The following MID1 variants were observed in gnomAD, a reference collection of about 807,000 sequenced individuals.
MID1 encodes the protein E3 ubiquitin-protein ligase Midline-1.
Under a neutral mutation model 40.4 loss-of-function variants are expected in MID1, and 7 were observed. The ratio of observed to expected loss-of-function variants is 0.17; its 90% CI spans 0.10 to 0.33. The LOEUF (loss-of-function observed/expected upper bound fraction) is 0.33, where lower values mean the gene tolerates loss of function less well. Ranked by LOEUF, MID1 falls within the 10% of genes least tolerant of loss-of-function variation. MID1 has a pLI of 1.00. For missense variants in MID1, 367 were observed against 558.5 expected, an observed-to-expected ratio of 0.66 and a Z score of 3.46; for synonymous variants, 229 against 221.2, an observed-to-expected ratio of 1.04 and a Z score of -0.31.
intron 1 of MID1, among the ~76,000 whole-genome samples, chrX:10,608,183 A>C (rs762439280): frequency 1.2e-4 from 14 of 112,446 alleles, no homozygotes; most frequent in Non-Finnish European, 2.1e-4. Context: ...GCCACTCTGC[A>C]ATACGCTTTG....
chrX:10,495,818 C>T (rs970112439), intron 3 of MID1, 127 bp from the exon 4 acceptor site: 28 of 529,303 alleles, frequency 5.3e-5, no homozygotes, highest in East Asian at 1.1e-4. Flanking sequence ...ACTCTTTGTC[C>T]GATTACGCAA....
chrX:10,725,122 C>G (rs1350711952), intron 1 of MID1, among the ~76,000 whole-genome samples: 1 of 112,105 alleles, frequency 8.9e-6, no homozygotes, highest in African/African-American at 3.2e-5. Flanking sequence ...CAGAAGAAAA[C>G]AGCACTTTTT....
intron 1 of MID1, 72 bp from the exon 2 acceptor site, chrX:10,567,675 A>G (rs1934607941): frequency 1.5e-6 from 1 of 663,110 alleles, no homozygotes; most frequent in African/African-American, 2.1e-5. Flanking sequence ...CTTTGAATGC[A>G]TCTCAGAATA....
intron 2 of MID1, among the ~76,000 whole-genome samples, chrX:10,552,200 A>G (rs1933939998): frequency 9.0e-6 from 1 of 110,786 alleles, no homozygotes; most frequent in East Asian, 2.8e-4. Context: ...AATGTCGGAG[A>G]TCAGATAATT....
chrX:10,680,495 T>C (rs752313822), intron 1 of MID1, among the ~76,000 whole-genome samples: 36 of 112,013 alleles, frequency 3.2e-4, no homozygotes, highest in African/African-American at 1.1e-3. Context: ...TTCTTTATGA[T>C]AGAATTACCA....
intron 1 of MID1, among the ~76,000 whole-genome samples, chrX:10,719,633 T>A (rs1602535984): frequency 8.9e-6 from 1 of 111,880 alleles, no homozygotes; most frequent in South Asian, 3.8e-4. Flanking sequence ...CAAGGTAATT[T>A]ATAGATTCAA....
At chrX:10,718,736 C>T (rs2043324773) in intron 1 of MID1, among the ~76,000 whole-genome samples, 2 of 111,334 alleles carry the variant, frequency 1.8e-5, no homozygotes, top group Non-Finnish European at 3.8e-5. Context: ...ATGGCAGAGA[C>T]ACAACAAAAA....
chrX:10,606,578 T>C (rs1468455833), intron 1 of MID1, among the ~76,000 whole-genome samples: 2 of 111,937 alleles, frequency 1.8e-5, no homozygotes, highest in Non-Finnish European at 3.8e-5. Context: ...CATATGGAGA[T>C]ATACCCTATT....
intron 2 of MID1, among the ~76,000 whole-genome samples, chrX:10,546,350 G>A (rs1933680351): frequency 8.9e-6 from 1 of 112,565 alleles, no homozygotes; most frequent in African/African-American, 3.2e-5. Context: ...AAATGCTTTG[G>A]TTTGGTTCCA....
chrX:10,597,543 A>G (rs1470076132), intron 1 of MID1, among the ~76,000 whole-genome samples: 1 of 112,283 alleles, frequency 8.9e-6, no homozygotes, highest in Non-Finnish European at 1.9e-5. Context: ...CAAACAAACA[A>G]ACAAACAAAC....
chrX:10,560,111 G>A (rs763982285), intron 2 of MID1, among the ~76,000 whole-genome samples: 5 of 110,536 alleles, frequency 4.5e-5, no homozygotes, highest in Admixed American at 9.7e-5. Context: ...GGTCTCAAAC[G>A]ACCAAGCTCA....
At chrX:10,535,686 A>C (rs189894693) in intron 2 of MID1, among the ~76,000 whole-genome samples, 30 of 112,399 alleles carry the variant, frequency 2.7e-4, no homozygotes, top group African/African-American at 9.4e-4. Context: ...TGACCTTAAC[A>C]GTAGTTACTT....
upstream of MID1, among the ~76,000 whole-genome samples, chrX:10,625,424 G>A (rs1472469122): frequency 8.9e-6 from 1 of 112,554 alleles, no homozygotes; most frequent in African/African-American, 3.2e-5. Context: ...CACATAAACC[G>A]TCACAAGGCC....
At chrX:10,817,564 CTTTCT>C (rs1569177972) in intron 1 of MID1, among the ~76,000 whole-genome samples, 1 of 90,830 alleles carries the variant, frequency 1.1e-5, no homozygotes, top group Non-Finnish European at 2.2e-5. Context: ...TTCTTTCTTT[CTTTCT>C]TTCTCTCTTT....
intron 1 of MID1, among the ~76,000 whole-genome samples, chrX:10,654,341 T>C (rs1244879637): frequency 1.8e-5 from 2 of 112,327 alleles, no homozygotes; most frequent in African/African-American, 6.5e-5. Flanking sequence ...GTAATTCAGT[T>C]ATTCATTCAA....
At chrX:10,542,589 T>C (rs1196949220) in intron 2 of MID1, among the ~76,000 whole-genome samples, 2 of 112,262 alleles carry the variant, frequency 1.8e-5, no homozygotes, top group African/African-American at 6.5e-5. Flanking sequence ...ATTTTACATG[T>C]TTAGAATGAA....
At chrX:10,615,010 C>G (rs750409144) in intron 1 of MID1, among the ~76,000 whole-genome samples, 2 of 112,035 alleles carry the variant, frequency 1.8e-5, no homozygotes, top group East Asian at 5.6e-4. Flanking sequence ...AAATAAATTA[C>G]TATTTAATAA....
upstream of MID1, among the ~76,000 whole-genome samples, chrX:10,625,408 A>G (rs1935985215): frequency 8.9e-6 from 1 of 112,752 alleles, no homozygotes; most frequent in African/African-American, 3.2e-5. Context: ...AGCCTAGCCA[A>G]GTTAACACAT....
intron 1 of MID1, among the ~76,000 whole-genome samples, chrX:10,719,297 C>G (rs1438728336): frequency 9.4e-6 from 1 of 106,425 alleles, no homozygotes; most frequent in Non-Finnish European, 1.9e-5. Flanking sequence ...TCTAGAAAAC[C>G]CCATCGTCTC....
Sources: allele counts gnomAD v4.1 joint callset (sites outside exome capture counted in the v4.1 genomes callset), GRCh38; gene constraint gnomAD v4.1.1; transcripts MANE v1.5; gene names NCBI Gene and HGNC (gene_info 2026-07-23, HGNC 2026-07-21).